ERC1: variants seen among roughly 807,000 people sequenced by gnomAD.
The protein encoded by ERC1 is ELKS/RAB6-interacting/CAST family member 1, also known as RAB6 interacting protein 2.
Under a neutral mutation model 132.0 loss-of-function variants are expected in ERC1, and 56 were observed. The ratio of observed to expected loss-of-function variants is 0.42; its 90% confidence interval spans 0.34 to 0.53. ERC1 has a LOEUF of 0.53. Ranked by LOEUF, ERC1 falls within the 20% of genes least tolerant of loss-of-function variation. The probability of loss-of-function intolerance (pLI) is 0.03; values close to 1 mark genes in which losing one functional copy is unlikely to be tolerated. For missense variants in ERC1, 1,202 were observed against 1,349.9 expected, an observed-to-expected ratio of 0.89 and a Z score of 1.72; for synonymous variants, 478 against 476.1, an observed-to-expected ratio of 1.00 and a Z score of -0.05.
chr12:1,313,093 A>T (rs1181619422), intron 15 of ERC1, among the ~76,000 whole-genome samples: 1 of 152,144 alleles, frequency 6.6e-6, no homozygotes, highest in Non-Finnish European at 1.5e-5. Context: ...CCATGATACC[A>T]ATGGTTCTGG....
chr12:1,246,431 T>C (rs573046779), intron 13 of ERC1, among the ~76,000 whole-genome samples: 159 of 152,200 alleles, frequency 1.0e-3, no homozygotes, highest in Non-Finnish European at 2.1e-3. Flanking sequence ...AAATGGCATA[T>C]GGACAGACGG....
chr12:1,127,214 G>C (rs1948284880), intron 7 of ERC1, among the ~76,000 whole-genome samples: 1 of 152,168 alleles, frequency 6.6e-6, no homozygotes, highest in African/African-American at 2.4e-5. Context: ...ATAACATTCA[G>C]TGCTTGTGAG....
chr12:1,180,151 A>G (rs879603747), intron 8 of ERC1, among the ~76,000 whole-genome samples: 9 of 151,984 alleles, frequency 5.9e-5, no homozygotes, highest in Admixed American at 3.9e-4. Context: ...GGCATTTACA[A>G]TGTCATTTTA....
chr12:1,375,146 C>G (rs899256088), intron 16 of ERC1, among the ~76,000 whole-genome samples: 5 of 152,162 alleles, frequency 3.3e-5, no homozygotes, highest in Non-Finnish European at 7.4e-5. Context: ...CTACCTGAGA[C>G]TGGGTAATGT....
intron 12 of ERC1, among the ~76,000 whole-genome samples, chr12:1,229,845 T>C (rs941657608): frequency 1.3e-5 from 2 of 152,060 alleles, no homozygotes; most frequent in Non-Finnish European, 2.9e-5. Flanking sequence ...TAGGTTGTTC[T>C]TTTTTCTATT....
At chr12:1,460,503 G>T (rs1565482959) in intron 18 of ERC1, among the ~76,000 whole-genome samples, 1 of 152,086 alleles carries the variant, frequency 6.6e-6, no homozygotes, top group Non-Finnish European at 1.5e-5. Context: ...GTTTGAATGC[G>T]ACATCCATTT....
chr12:1,125,280 C>T (rs951340601), intron 7 of ERC1, among the ~76,000 whole-genome samples: 1 of 151,984 alleles, frequency 6.6e-6, no homozygotes, highest in Admixed American at 6.6e-5. Flanking sequence ...AGGCATGAGC[C>T]ACCGCGCCCA....
intron 18 of ERC1, among the ~76,000 whole-genome samples, chr12:1,459,377 G>T (rs1170945540): frequency 1.3e-5 from 2 of 152,148 alleles, no homozygotes; most frequent in African/African-American, 4.8e-5. Context: ...CCCAGGGGGA[G>T]AAATTTCTTT....
intron 18 of ERC1, among the ~76,000 whole-genome samples, chr12:1,467,873 G>T (rs926825450): frequency 6.6e-6 from 1 of 152,266 alleles, no homozygotes; most frequent in Non-Finnish European, 1.5e-5. Context: ...TCACAATAGG[G>T]TTTGCGCTCA....
At chr12:1,437,572 A>AT (rs2092984189) in intron 17 of ERC1, among the ~76,000 whole-genome samples, 1 of 152,200 alleles carries the variant, frequency 6.6e-6, no homozygotes, top group Admixed American at 6.5e-5. Flanking sequence ...TTTGAGTAGC[A>AT]TTTTTTATAA....
At chr12:1,353,567 T>C (rs1208741992) in intron 15 of ERC1, among the ~76,000 whole-genome samples, 1 of 152,198 alleles carries the variant, frequency 6.6e-6, no homozygotes, top group East Asian at 1.9e-4. Context: ...TTGTCAAAGC[T>C]GGTATAGGCA....
chr12:1,161,815 T>G (rs1951909781), intron 8 of ERC1, among the ~76,000 whole-genome samples: 1 of 152,190 alleles, frequency 6.6e-6, no homozygotes, highest in African/African-American at 2.4e-5. Context: ...AACACTACAT[T>G]TATCCTTTTC....
At chr12:1,233,470 CAA>C (rs60542316) in intron 12 of ERC1, among the ~76,000 whole-genome samples, 198 of 71,490 alleles carry the variant, frequency 2.8e-3, no homozygotes, top group African/African-American at 7.4e-3. Context: ...GACCCTGTCT[CAA>C]AAAAAAAAAA....
chr12:1,162,063 C>T (rs1951932415), intron 8 of ERC1, among the ~76,000 whole-genome samples: 1 of 152,146 alleles, frequency 6.6e-6, no homozygotes, highest in Non-Finnish European at 1.5e-5. Context: ...CTGTCTGGGC[C>T]ACCACTGTCC....
chr12:1,334,953 T>C (rs1423132231), intron 15 of ERC1, among the ~76,000 whole-genome samples: 1 of 152,216 alleles, frequency 6.6e-6, no homozygotes, highest in Non-Finnish European at 1.5e-5. Flanking sequence ...ACCTGCTTGG[T>C]TAGCTGTATT....
At chr12:1,214,665 TACACACACACACAC>T (rs59137347) in intron 12 of ERC1, among the ~76,000 whole-genome samples, 29 of 119,088 alleles carry the variant, frequency 2.4e-4, no homozygotes, top group Middle Eastern at 4.5e-3. Context: ...TGTGTATACA[TACACACACACACAC>T]ACACACACAC....
chr12:1,044,976 T>C (rs757165301), intron 2 of ERC1, among the ~76,000 whole-genome samples: 4 of 152,150 alleles, frequency 2.6e-5, no homozygotes, highest in Non-Finnish European at 5.9e-5. Flanking sequence ...TTTTTATTGC[T>C]CTATTTTCTT....
At chr12:1,349,823 C>CTA (rs1312468891) in intron 15 of ERC1, among the ~76,000 whole-genome samples, 1 of 152,162 alleles carries the variant, frequency 6.6e-6, no homozygotes, top group African/African-American at 2.4e-5. Context: ...ATAACCTTTA[C>CTA]AACTGGTTAG....
chr12:1,010,721 C>T (rs1964549467), intron 1 of ERC1, among the ~76,000 whole-genome samples: 1 of 151,770 alleles, frequency 6.6e-6, no homozygotes, highest in South Asian at 2.1e-4. Context: ...CCATGTTGGC[C>T]AGGCTGGCCT....
Sources: gnomAD v4.1 joint callset for allele counts (sites outside exome capture counted in the v4.1 genomes callset) on GRCh38, gnomAD v4.1.1 for gene constraint, MANE v1.5 for transcripts, NCBI Gene and HGNC (gene_info 2026-07-23, HGNC 2026-07-21) for gene names.